The following PRCP variants were observed in gnomAD, a reference collection of about 807,000 sequenced individuals.
PRCP encodes the protein prolylcarboxypeptidase, also known as lysosomal Pro-X carboxypeptidase.
Under a neutral mutation model 54.2 loss-of-function variants are expected in PRCP, and 46 were observed. The observed-to-expected ratio is 0.85, with a 90% confidence interval of 0.67 to 1.09. The LOEUF is 1.09. PRCP is among the 50% of genes least tolerant of loss of function. The probability of loss-of-function intolerance (pLI) is 0.00; values close to 1 mark genes in which losing one functional copy is unlikely to be tolerated. For missense variants in PRCP, 613 were observed against 596.8 expected, an observed-to-expected ratio of 1.03 and a Z score of -0.28; for synonymous variants, 240 against 212.2, an observed-to-expected ratio of 1.13 and a Z score of -1.14.
At chr11:82,899,924 A>C in intron 1 of PRCP, 2 of 291,020 alleles carry the variant, frequency 6.9e-6, no homozygotes. Flanking sequence ...ATTTGAGGGA[A>C]GGTCAAGGGA....
chr11:82,840,132 C>T (rs1348487742), intron 6 of PRCP: 1 of 151,972 alleles, frequency 6.6e-6, no homozygotes. Context: ...TGATAAAAAG[C>T]ATATGCTGCA....
chr11:82,864,881 C>G (rs1168283564), intron 1 of PRCP, among the ~76,000 whole-genome samples: 1 of 151,992 alleles, frequency 6.6e-6, no homozygotes, highest in Non-Finnish European at 1.5e-5. Context: ...ATTATTTGGA[C>G]TTTAAAACCA....
At chr11:82,839,599 T>C (rs1348368973) in intron 6 of PRCP, 174 bp from the exon 7 acceptor site, 4 of 675,720 alleles carry the variant, frequency 5.9e-6, no homozygotes, top group Non-Finnish European at 9.7e-6. Context: ...TGAATAAACC[T>C]CTTCAATTAC....
rs576410635 is a variant in PRCP, at chr11:82,878,635, A to G, written c.169-18518T>C. On this transcript the variant is annotated intron_variant, in intron 1 of 8. Coordinates refer to ENST00000313010, the MANE Select transcript of PRCP (RefSeq NM_005040.4). The stretch of plus-strand genomic sequence containing the variant: ...TTAGTTGATGCAGTTTCTTCCTAGC[A>G]CTGAGGGTCTTTATAATTCAGCATG... Among the ~76,000 whole-genome samples, 43 of 152,286 alleles carry G rather than the reference A, an allele frequency of 2.8e-4. No individual in the cohort carries two copies. In the South Asian group the frequency reaches 8.7e-3, roughly 31 times the overall value.
chr11:82,874,495 A>G (rs986712948), intron 1 of PRCP, among the ~76,000 whole-genome samples: 7 of 152,164 alleles, frequency 4.6e-5, no homozygotes, highest in African/African-American at 1.7e-4. Flanking sequence ...GTTCGAGACC[A>G]GCCTGGGCAA....
rs1228077493 is a variant in PRCP at position 82,823,015 on chromosome 11, T to G, written c.*1891A>C. On this transcript the variant is annotated 3_prime_UTR_variant, in exon 9 of 9. Transcript: ENST00000313010. ...TAAGGCTTATCTGACACTCCAATTCTTTTTCATGTTAAAATTAAACCTTAG... is the reference window on the plus strand; with the variant it reads ...TAAGGCTTATCTGACACTCCAATTCGTTTTCATGTTAAAATTAAACCTTAG... 1.3e-5 allele frequency among the ~76,000 whole-genome samples: 2 copies of G among 152,228 alleles called. No individual in the cohort carries two copies. Among genetic ancestry groups the G allele is most frequent in the Non-Finnish European group, 2.9e-5 (2 of 68,030 alleles).
At chr11:82,853,140 A>G (rs756572116) in intron 3 of PRCP, 37 bp downstream of exon 3, 2 of 1,475,564 alleles carry the variant, frequency 1.4e-6, no homozygotes, top group South Asian at 2.5e-5. Context: ...AATTGAAAAG[A>G]AAAAGCTTGT....
intron 1 of PRCP, among the ~76,000 whole-genome samples, chr11:82,868,937 G>A (rs1459001533): frequency 6.6e-6 from 1 of 152,186 alleles, no homozygotes; most frequent in Non-Finnish European, 1.5e-5. Context: ...TTGGGAGGCT[G>A]AGGCCCGAGA....
chr11:82,825,938 T>C (rs2121042065), intron 8 of PRCP: 1 of 152,324 alleles, frequency 6.6e-6, no homozygotes, highest in Non-Finnish European at 1.5e-5. Context: ...ACAGACAGCA[T>C]CCCTAATAAT....
At chr11:82,892,558 A>C (rs1405759976) in intron 1 of PRCP, among the ~76,000 whole-genome samples, 1 of 152,218 alleles carries the variant, frequency 6.6e-6, no homozygotes, top group Non-Finnish European at 1.5e-5. Context: ...ACAAAAATCT[A>C]TATATCAATT....
chr11:82,852,818 A>T (rs1311308739), intron 3 of PRCP, among the ~76,000 whole-genome samples: 1 of 152,200 alleles, frequency 6.6e-6, no homozygotes, highest in Non-Finnish European at 1.5e-5. Flanking sequence ...TATGCTCATT[A>T]TATTTTTTCC....
At position 82,886,499 on chromosome 11, in the gene PRCP, G is replaced by C. The variant is rs117566272; in HGVS notation, c.168+13736C>G. ...GGGTCTTGCTTTCTTGCTCATGCTA[G>C]TCTCAAACTCCTGGTCTCAAGTGAT... On this transcript the variant is annotated intron_variant, in intron 1 of 8. Coordinates refer to ENST00000313010, the MANE Select transcript of PRCP (RefSeq NM_005040.4). 7.2e-3 allele frequency among the ~76,000 whole-genome samples: 1,094 copies of C among 152,234 alleles called. 7 individuals carry two copies. Among genetic ancestry groups the C allele is most frequent in the Non-Finnish European group, 0.012 (824 of 68,010 alleles).
intron 1 of PRCP, among the ~76,000 whole-genome samples, chr11:82,888,107 G>A (rs1049656173): frequency 6.6e-6 from 1 of 152,128 alleles, no homozygotes; most frequent in African/African-American, 2.4e-5. Context: ...TTGTTAAACT[G>A]TATTTTATTA....
chr11:82,835,491 C>A, intron 8 of PRCP: 1 of 244,280 alleles, frequency 4.1e-6, no homozygotes, highest in South Asian at 4.8e-5. Context: ...ATGTGCTAAG[C>A]CCACTTGAGC....
intron 1 of PRCP, among the ~76,000 whole-genome samples, chr11:82,897,836 C>T (rs1860152512): frequency 6.6e-6 from 1 of 152,188 alleles, no homozygotes; most frequent in African/African-American, 2.4e-5. Context: ...GAGACCACTC[C>T]ATAAAACCAC....
chr11:82,882,559 A>T lies in PRCP; in HGVS notation c.168+17676T>A, dbSNP rs369449088. Among the ~76,000 whole-genome samples the T allele has an allele frequency of 6.7e-3, 977 of 145,200 alleles. 8 individuals carry two copies. Among genetic ancestry groups the T allele is most frequent in the Non-Finnish European group, 9.3e-3 (623 of 66,952 alleles). ...CGCCCAGGCTGGAGTGCAGTGGCGC[A>T]ATCTCGGCTCACTGCAAGCTCCGCC... On this transcript the variant is annotated intron_variant, in intron 1 of 8. Transcript: ENST00000313010.
At chr11:82,890,340 G>C (rs1346704352) in intron 1 of PRCP, among the ~76,000 whole-genome samples, 1 of 152,144 alleles carries the variant, frequency 6.6e-6, no homozygotes, top group Non-Finnish European at 1.5e-5. Flanking sequence ...CTGAGAAACA[G>C]CACACAAGTT....
intron 1 of PRCP, among the ~76,000 whole-genome samples, chr11:82,877,658 A>G (rs1859640311): frequency 6.6e-6 from 1 of 152,198 alleles, no homozygotes; most frequent in African/African-American, 2.4e-5. Flanking sequence ...TCAAGAATTG[A>G]GGTTTGGGAT....
intron 8 of PRCP, chr11:82,835,757 G>T (rs4468370): frequency 2.6e-6 from 1 of 384,802 alleles, no homozygotes; most frequent in Non-Finnish European, 5.1e-6. Context: ...GACATTTGAT[G>T]CTGATAAAGC....
Sources: allele counts gnomAD v4.1 joint callset (sites outside exome capture counted in the v4.1 genomes callset), GRCh38; gene constraint gnomAD v4.1.1; transcripts MANE v1.5; gene names NCBI Gene and HGNC (gene_info 2026-07-23, HGNC 2026-07-21).